STX2: variants seen among roughly 807,000 people sequenced by gnomAD.
STX2 encodes syntaxin 2.
A neutral mutation model predicts 40.6 loss-of-function variants in STX2; 27 were observed. The ratio of observed to expected loss-of-function variants is 0.66; its 90% CI spans 0.49 to 0.92. The LOEUF is 0.92. Among genes scored for constraint, STX2 ranks in the 40% least tolerant of loss-of-function variants. The pLI is 0.00. For missense variants in STX2, 328 were observed against 366.1 expected, an observed-to-expected ratio of 0.90 and a Z score of 0.85; for synonymous variants, 123 against 119.1, an observed-to-expected ratio of 1.03 and a Z score of -0.22.
intron 8 of STX2, 43 bp from the exon 9 acceptor site, chr12:130,798,678 G>A: frequency 7.0e-7 from 1 of 1,435,578 alleles, no homozygotes; most frequent in Non-Finnish European, 9.5e-7. Context: ...TTTTCAAATG[G>A]CTTAATCATG....
chr12:130,827,062 G>T (rs1023768259), intron 2 of STX2, 131 bp downstream of exon 2: 1 of 572,504 alleles, frequency 1.7e-6, no homozygotes. Flanking sequence ...AGGAAGAAAG[G>T]AAGGGAGGGA....
intron 1 of STX2, among the ~76,000 whole-genome samples, chr12:130,834,955 T>G (rs1952707244): frequency 6.6e-6 from 1 of 152,222 alleles, no homozygotes; most frequent in South Asian, 2.1e-4. Flanking sequence ...AAAAAATAAC[T>G]TTTAAAAATA....
At chr12:130,838,997 G>C in intron 1 of STX2, 73 bp downstream of exon 1, 169 of 585,382 alleles carry the variant, frequency 2.9e-4, no homozygotes, top group Non-Finnish European at 3.5e-4. Context: ...CGCCCAAGAC[G>C]CCCCGAGCCC....
Position 130,827,247 on chromosome 12 carries a change from T to C in STX2, c.51A>G (p.Gly17=). 6.2e-7 allele frequency: 1 copy of C among 1,613,894 alleles called. No individual in the cohort carries two copies. The highest frequency in any genetic ancestry group is 1.7e-5 in the Admixed American group (1 of 60,014). ...DLTACRKNDD[G]DTVVVVEKDH... ...CTTTCTCAACCACAACAACTGTGTC[T>C]CCATCATCATTCTTCCTACACTACA... The change falls in exon 2 of 11, where the codon GGA becomes GGG. Residue 17 remains glycine, a synonymous_variant. Coordinates refer to ENST00000392373, the MANE Select transcript of STX2 (RefSeq NM_194356.4).
At chr12:130,825,488 G>A (rs1262615760) in intron 2 of STX2, among the ~76,000 whole-genome samples, 1 of 152,230 alleles carries the variant, frequency 6.6e-6, no homozygotes, top group African/African-American at 2.4e-5. Context: ...AAGGGGGCAG[G>A]AAGGCTAAAG....
chr12:130,798,411 T>C, intron 9 of STX2, 114 bp downstream of exon 9: 1 of 582,700 alleles, frequency 1.7e-6, no homozygotes, highest in South Asian at 4.1e-5. Flanking sequence ...AAATAAAACA[T>C]TTATTAATTA....
intron 1 of STX2, among the ~76,000 whole-genome samples, chr12:130,835,981 T>C (rs1184901009): frequency 1.3e-5 from 2 of 152,200 alleles, no homozygotes; most frequent in Non-Finnish European, 2.9e-5. Context: ...AGAAACTTCA[T>C]GGAAGCATCA....
At chr12:130,827,417 C>T (rs917357048) in intron 1 of STX2, 150 bp from the exon 2 acceptor site, 9 of 618,692 alleles carry the variant, frequency 1.5e-5, no homozygotes, top group Non-Finnish European at 2.3e-5. Flanking sequence ...CTATCTACTC[C>T]AACTGAACTC....
chr12:130,820,160 A>G (rs1331042595), intron 3 of STX2, among the ~76,000 whole-genome samples: 1 of 152,230 alleles, frequency 6.6e-6, no homozygotes, highest in Non-Finnish European at 1.5e-5. Context: ...ACTGGAGGTC[A>G]GCTAAATAAA....
At chr12:130,811,740 C>T (rs1393545485) in intron 4 of STX2, among the ~76,000 whole-genome samples, 7 of 152,052 alleles carry the variant, frequency 4.6e-5, no homozygotes, top group African/African-American at 9.6e-5. Flanking sequence ...GGGGTTTCAC[C>T]GTGTTAGCCA....
rs528330989 is a variant in STX2, at chr12:130,794,252, TAAG to T, written c.*45+1740_*45+1742del. On this transcript the variant is annotated intron_variant, in intron 10 of 10. Coordinates refer to ENST00000392373, the MANE Select transcript of STX2 (RefSeq NM_194356.4). ...TCACGTACAATATTTTCAGCAAAGC[TAAG>T]AAGAAAAAAATAGAACATCTTGCCT... Among the ~76,000 whole-genome samples the T allele has an allele frequency of 1.3e-3, 196 of 150,644 alleles. 2 individuals are homozygous for T. The highest frequency in any genetic ancestry group is 4.7e-3 in the African/African-American group (189 of 40,018).
At chr12:130,796,432 G>A (rs750893243) in intron 9 of STX2, among the ~76,000 whole-genome samples, 5 of 152,164 alleles carry the variant, frequency 3.3e-5, no homozygotes, top group Non-Finnish European at 5.9e-5. Flanking sequence ...GTTGCAGAGA[G>A]CCAGGATCGT....
At chr12:130,836,839 C>CT (rs1176200343) in intron 1 of STX2, among the ~76,000 whole-genome samples, 1 of 152,194 alleles carries the variant, frequency 6.6e-6, no homozygotes, top group African/African-American at 2.4e-5. Flanking sequence ...GATATACTCT[C>CT]TGACTGCTCA....
At chr12:130,837,927 G>A (rs1458344750) in intron 1 of STX2, among the ~76,000 whole-genome samples, 2 of 152,202 alleles carry the variant, frequency 1.3e-5, no homozygotes, top group Non-Finnish European at 1.5e-5. Context: ...ATGATCCTAA[G>A]GATGAAATCA....
intron 8 of STX2, among the ~76,000 whole-genome samples, chr12:130,799,534 C>A (rs1326836705): frequency 6.6e-6 from 1 of 152,182 alleles, no homozygotes; most frequent in Non-Finnish European, 1.5e-5. Flanking sequence ...GGTAATCAGA[C>A]TCCCCACACT....
chr12:130,822,945 C>T (rs1436139124), intron 2 of STX2, among the ~76,000 whole-genome samples: 4 of 152,210 alleles, frequency 2.6e-5, no homozygotes, highest in Non-Finnish European at 5.9e-5. Flanking sequence ...GCTACAGAAG[C>T]AGCAAGGTGA....
At chr12:130,838,432 G>A (rs1340956055) in intron 1 of STX2, among the ~76,000 whole-genome samples, 2 of 152,226 alleles carry the variant, frequency 1.3e-5, no homozygotes, top group Non-Finnish European at 2.9e-5. Flanking sequence ...GGTGCGTTCA[G>A]AGTCAACACA....
At chr12:130,829,899 G>A (rs555377558) in intron 1 of STX2, among the ~76,000 whole-genome samples, 5 of 152,268 alleles carry the variant, frequency 3.3e-5, no homozygotes, top group South Asian at 2.1e-4. Flanking sequence ...CTGAGCCCCG[G>A]GCCATAAAAG....
rs1950884126 is a variant in STX2 at position 130,791,800 on chromosome 12, G to A, written c.*223C>T. On this transcript the variant is annotated 3_prime_UTR_variant, in exon 11 of 11. Coordinates refer to ENST00000392373, the MANE Select transcript of STX2 (RefSeq NM_194356.4). ...ATTACAAGGTCAGCACTCGATGCCG[G>A]GTTACAGCGTCTGAGATTCATTCAC... 9.4e-7 allele frequency: 1 copy of A among 1,066,782 alleles called. No individual in the cohort carries two copies. The allele number at this position is 1,066,782 out of a possible 1,614,324, so 66.1% of individuals were successfully genotyped here.
Sources: gnomAD v4.1 joint callset for allele counts (sites outside exome capture counted in the v4.1 genomes callset) on GRCh38, gnomAD v4.1.1 for gene constraint, MANE v1.5 for transcripts, NCBI Gene and HGNC (gene_info 2026-07-23, HGNC 2026-07-21) for gene names.